Variants in VKORC1L1 observed in about 807,000 individuals in gnomAD.
The protein encoded by VKORC1L1 is vitamin K epoxide reductase complex subunit 1-like protein 1.
VKORC1L1 carries 2 observed loss-of-function variants against 18.9 expected under a neutral mutation model. That is an observed-to-expected ratio of 0.11 (90% CI 0.04 to 0.33). The LOEUF (loss-of-function observed/expected upper bound fraction) is 0.33. Ranked by LOEUF, VKORC1L1 falls within the 10% of genes least tolerant of loss-of-function variation. The pLI is 1.00. For missense variants in VKORC1L1, 123 were observed against 224.1 expected (o/e 0.55, Z 2.88); for synonymous variants, 96 against 100.0 (o/e 0.96, Z 0.24).
chr7:65,914,433 A>G (rs1350296336), intron 1 of VKORC1L1, among the ~76,000 whole-genome samples: 1 of 151,056 alleles, frequency 6.6e-6, no homozygotes, highest in Non-Finnish European at 1.5e-5. Context: ...TGTCTCTCCT[A>G]TCCCTTCCCT....
At chr7:65,927,756 C>A (rs1220448584) in intron 1 of VKORC1L1, among the ~76,000 whole-genome samples, 1 of 152,168 alleles carries the variant, frequency 6.6e-6, no homozygotes. Flanking sequence ...TTGTAGCCCA[C>A]CATGCATTGC....
chr7:65,925,226 T>G (rs1311473731), intron 1 of VKORC1L1, among the ~76,000 whole-genome samples: 3 of 152,226 alleles, frequency 2.0e-5, no homozygotes, highest in Non-Finnish European at 4.4e-5. Context: ...CTGTTCTTCC[T>G]CCTGTGTTCT....
At chr7:65,927,576 A>G (rs1163873436) in intron 1 of VKORC1L1, among the ~76,000 whole-genome samples, 1 of 152,128 alleles carries the variant, frequency 6.6e-6, no homozygotes, top group East Asian at 1.9e-4. Context: ...TCTGGTGGAC[A>G]GGCACACCCA....
chr7:65,868,953 T>A (rs1301929261), upstream of VKORC1L1, among the ~76,000 whole-genome samples: 1 of 152,102 alleles, frequency 6.6e-6, no homozygotes, highest in Non-Finnish European at 1.5e-5. Context: ...CTGGTCCAGT[T>A]GTGAAGTCTC....
intron 1 of VKORC1L1, among the ~76,000 whole-genome samples, chr7:65,902,605 G>T (rs907372139): frequency 6.6e-6 from 1 of 152,006 alleles, no homozygotes; most frequent in African/African-American, 2.4e-5. Context: ...ATAATGACAA[G>T]AAAATTCTCA....
chr7:65,951,877 C>G (rs1790219603), intron 2 of VKORC1L1, among the ~76,000 whole-genome samples: 1 of 152,142 alleles, frequency 6.6e-6, no homozygotes, highest in South Asian at 2.1e-4. Flanking sequence ...TTTTCTACAG[C>G]TGCAGAATAA....
At chr7:65,929,091 T>G (rs752513934) in intron 1 of VKORC1L1, among the ~76,000 whole-genome samples, 5 of 152,176 alleles carry the variant, frequency 3.3e-5, no homozygotes, top group Admixed American at 6.5e-5. Context: ...GTTTGTTTCC[T>G]TATGGTTCAG....
At chr7:65,926,638 A>C (rs937070930) in intron 1 of VKORC1L1, among the ~76,000 whole-genome samples, 1 of 152,236 alleles carries the variant, frequency 6.6e-6, no homozygotes, top group Non-Finnish European at 1.5e-5. Context: ...TCTATGAAAA[A>C]GACACCTGCA....
chr7:65,886,330 G>C (rs1290311621), intron 1 of VKORC1L1, among the ~76,000 whole-genome samples: 1 of 152,058 alleles, frequency 6.6e-6, no homozygotes, highest in Non-Finnish European at 1.5e-5. Flanking sequence ...CTTATTGTTA[G>C]ATATGAAGGA....
intron 1 of VKORC1L1, among the ~76,000 whole-genome samples, chr7:65,933,756 T>C (rs930875235): frequency 6.6e-6 from 1 of 152,202 alleles, no homozygotes; most frequent in African/African-American, 2.4e-5. Context: ...CCCTATTTCA[T>C]GCCTTTTAGA....
chr7:65,938,191 G>A (rs1452076963), intron 1 of VKORC1L1, among the ~76,000 whole-genome samples: 5 of 151,574 alleles, frequency 3.3e-5, no homozygotes, highest in African/African-American at 7.3e-5. Flanking sequence ...GCGAGACTCC[G>A]TCTCAAAAAA....
In VKORC1L1 at chr7:65,899,375, C is replaced by G. The variant is rs138875609; in HGVS notation, c.194+25810C>G. 7.7e-3 allele frequency among the ~76,000 whole-genome samples: 1,177 copies of G among 152,300 alleles called. 10 individuals carry two copies. The highest frequency in any genetic ancestry group is 0.014 in the Middle Eastern group (4 of 292). ...GCATGGCTTCCTCTTTGCAGATTGT[C>G]TCATATCTCTGACCTGGAAAAAAGG... On this transcript the variant is annotated intron_variant, in intron 1 of 2. Transcript: ENST00000360768.
intron 1 of VKORC1L1, among the ~76,000 whole-genome samples, chr7:65,907,221 A>G (rs1429590451): frequency 1.3e-5 from 2 of 152,180 alleles, no homozygotes; most frequent in East Asian, 1.9e-4. Flanking sequence ...CAGGCACACC[A>G]TCTGAAGTCA....
At chr7:65,891,317 A>G (rs1389369549) in intron 1 of VKORC1L1, among the ~76,000 whole-genome samples, 8 of 152,226 alleles carry the variant, frequency 5.3e-5, no homozygotes, top group Middle Eastern at 3.4e-3. Flanking sequence ...TTTCTGGGTC[A>G]TGGGATAGGT....
intron 1 of VKORC1L1, among the ~76,000 whole-genome samples, chr7:65,884,309 GGTTTAGATCTTGCTGTAT>G (rs1410478391): frequency 3.2e-4 from 49 of 152,252 alleles, no homozygotes; most frequent in Admixed American, 1.3e-4. Flanking sequence ...TTTAGAACAT[GGTTTAGATCTTGCTGTAT>G]GTTTAATTTG....
chr7:65,927,578 G>A (rs1414088112), intron 1 of VKORC1L1, among the ~76,000 whole-genome samples: 1 of 151,674 alleles, frequency 6.6e-6, no homozygotes, highest in Non-Finnish European at 1.5e-5. Context: ...TGGTGGACAG[G>A]CACACCCAGC....
upstream of VKORC1L1, among the ~76,000 whole-genome samples, chr7:65,869,312 T>A (rs746243881): frequency 9.2e-5 from 14 of 151,712 alleles, no homozygotes; most frequent in Non-Finnish European, 1.6e-4. Context: ...AAAAAAAAAA[T>A]TTATAAAAAT....
intron 1 of VKORC1L1, among the ~76,000 whole-genome samples, 177 bp downstream of exon 1, chr7:65,873,742 G>T (rs1788773768): frequency 6.6e-6 from 1 of 151,052 alleles, no homozygotes; most frequent in East Asian, 2.0e-4. Flanking sequence ...TCCTGCCCGG[G>T]GGGCGGCCTG....
intron 1 of VKORC1L1, among the ~76,000 whole-genome samples, chr7:65,879,070 C>G (rs1420493062): frequency 6.6e-6 from 1 of 152,166 alleles, no homozygotes; most frequent in East Asian, 1.9e-4. Flanking sequence ...CCGTTTGACA[C>G]ATAGACAAAC....
Sources: allele counts gnomAD v4.1 joint callset (sites outside exome capture counted in the v4.1 genomes callset), GRCh38; gene constraint gnomAD v4.1.1; transcripts MANE v1.5; gene names NCBI Gene and HGNC (gene_info 2026-07-23, HGNC 2026-07-21).